FAM149B1: variants seen among roughly 807,000 people sequenced by gnomAD.
The protein encoded by FAM149B1 is family with sequence similarity 149 member B1.
In FAM149B1, 56 loss-of-function variants were observed where a neutral mutation model predicts 75.3. The observed-to-expected ratio is 0.74, with a 90% CI of 0.60 to 0.93. The LOEUF (loss-of-function observed/expected upper bound fraction) is 0.93, where lower values mean the gene tolerates loss of function less well. Ranked by LOEUF, FAM149B1 falls within the 40% of genes least tolerant of loss-of-function variation. The pLI is 0.00. For synonymous variants in FAM149B1, 259 were observed against 256.1 expected (o/e 1.01, Z -0.11); for missense variants, 639 against 708.4 (o/e 0.90, Z 1.11).
chr10:73,177,022 T>C (rs1361181093), intron 2 of FAM149B1, among the ~76,000 whole-genome samples: 1 of 150,548 alleles, frequency 6.6e-6, no homozygotes, highest in East Asian at 2.0e-4. Context: ...CGAGACTCCA[T>C]CTCAAAAAAA....
At chr10:73,203,444 A>G (rs76523970) in intron 5 of FAM149B1, among the ~76,000 whole-genome samples, 3,064 of 152,298 alleles carry the variant, frequency 0.02, 41 homozygotes, top group Non-Finnish European at 0.033. Context: ...TATGGTTTTT[A>G]TGAAATTATA....
rs2043596164 is a variant in FAM149B1 at position 73,228,046 on chromosome 10, G to A, written c.899-14G>A. The stretch of plus-strand genomic sequence containing the variant: ...AGATTATCCATGGATAATATATCCT[G>A]TTCCTTTGCCCAGATGATGAGAGTA... On this transcript the variant is annotated splice_polypyrimidine_tract_variant and intron_variant, in intron 7 of 13. Coordinates refer to ENST00000242505, the MANE Select transcript of FAM149B1 (RefSeq NM_173348.2). 6.4e-7 allele frequency: 1 copy of A among 1,551,144 alleles called. No individual in the cohort carries two copies. The highest frequency in any genetic ancestry group is 1.2e-5 in the South Asian group (1 of 84,048).
In FAM149B1 at chr10:73,243,239, C is replaced by G. The variant is rs555896356; in HGVS notation, c.*2220C>G. The G allele has an allele frequency of 5.9e-5, 42 of 707,504 alleles. 1 individual carries two copies. Among genetic ancestry groups the G allele is most frequent in the South Asian group, 5.6e-4 (31 of 55,044 alleles). 43.8% of individuals were successfully genotyped at this position (707,504 alleles called of 1,614,324 possible). ...AGTGCTTTCTAGGAAATACTAAGATCAGGTTGAGAGATTCTGCTTGGTCTA... is the reference window on the plus strand; with the variant it reads ...AGTGCTTTCTAGGAAATACTAAGATGAGGTTGAGAGATTCTGCTTGGTCTA... On this transcript the variant is annotated 3_prime_UTR_variant, in exon 14 of 14. Coordinates refer to ENST00000242505, the MANE Select transcript of FAM149B1 (RefSeq NM_173348.2).
Position 73,243,590 on chromosome 10 carries a change from G to T in FAM149B1, c.*2571G>T. 1 of 1,586,420 alleles carries T rather than the reference G, an allele frequency of 6.3e-7. No homozygotes were observed. Among genetic ancestry groups the T allele is most frequent in the Non-Finnish European group, 8.6e-7 (1 of 1,166,334 alleles). On this transcript the variant is annotated 3_prime_UTR_variant, in exon 14 of 14. Transcript: ENST00000242505. Reference sequence around the variant, plus strand: ...ACAGAAAGTACCTAGTGGTTGCCAGGGGCTGGAAAAGTGGAATAACTACTA... The same window carrying T: ...ACAGAAAGTACCTAGTGGTTGCCAGTGGCTGGAAAAGTGGAATAACTACTA...
At chr10:73,239,276 T>C (rs772436910) in intron 12 of FAM149B1, 36 bp from the exon 13 acceptor site, 2 of 1,495,126 alleles carry the variant, frequency 1.3e-6, no homozygotes, top group Non-Finnish European at 1.8e-6. Context: ...TGTGAGAAGA[T>C]GCATCATAAG....
At chr10:73,232,677 G>A (rs1698763453) in intron 9 of FAM149B1, among the ~76,000 whole-genome samples, 1 of 152,352 alleles carries the variant, frequency 6.6e-6, no homozygotes, top group Admixed American at 6.5e-5. Flanking sequence ...GTGATGGCAG[G>A]TGGATAATGG....
chr10:73,226,148 A>G (rs2043540586), intron 7 of FAM149B1, among the ~76,000 whole-genome samples: 1 of 148,998 alleles, frequency 6.7e-6, no homozygotes, highest in Non-Finnish European at 1.5e-5. Context: ...CCCATGGGCT[A>G]TAGTTTGCCA....
At chr10:73,239,668 A>C (rs1300435840) in intron 13 of FAM149B1, among the ~76,000 whole-genome samples, 3 of 150,818 alleles carry the variant, frequency 2.0e-5, no homozygotes, top group Admixed American at 1.3e-4. Context: ...TTTTTTTTTA[A>C]ATCTAAAAAG....
Position 73,171,311 on chromosome 10 carries a change from G to A in FAM149B1, c.47+2925G>A, listed in dbSNP as rs79834660. Among the ~76,000 whole-genome samples, 76 of 152,252 alleles carry A rather than the reference G, an allele frequency of 5.0e-4. 1 individual carries two copies. In the East Asian group the frequency reaches 0.014, roughly 28 times the overall value. ...ATGATTCTGTAGCTGGAGTCAGGAT[G>A]AAGTGAATAATGAAGATAATGAAGA... is the stretch of plus-strand genomic sequence containing the variant. On this transcript the variant is annotated intron_variant, in intron 1 of 13. Coordinates refer to ENST00000242505, the MANE Select transcript of FAM149B1 (RefSeq NM_173348.2).
At chr10:73,210,854 G>C (rs1241892754) in intron 7 of FAM149B1, among the ~76,000 whole-genome samples, 1 of 152,000 alleles carries the variant, frequency 6.6e-6, no homozygotes, top group Non-Finnish European at 1.5e-5. Flanking sequence ...GTGGGTATGA[G>C]AGAGAGGAAA....
chr10:73,174,197 G>A (rs957650579), intron 1 of FAM149B1, among the ~76,000 whole-genome samples: 10 of 152,076 alleles, frequency 6.6e-5, no homozygotes, highest in Non-Finnish European at 1.5e-4. Context: ...CAACTGCTAG[G>A]GCTCTGGGTA....
At chr10:73,203,899 C>T (rs1301118570) in intron 5 of FAM149B1, among the ~76,000 whole-genome samples, 2 of 152,038 alleles carry the variant, frequency 1.3e-5, no homozygotes, top group Non-Finnish European at 2.9e-5. Flanking sequence ...CCTCAGCCTC[C>T]CAAAGTGCAG....
At chr10:73,178,384 C>T (rs1445080810) in intron 3 of FAM149B1, among the ~76,000 whole-genome samples, 4 of 151,776 alleles carry the variant, frequency 2.6e-5, no homozygotes, top group African/African-American at 9.7e-5. Context: ...CCAGCTACTC[C>T]AGAGGCTGAG....
intron 3 of FAM149B1, among the ~76,000 whole-genome samples, chr10:73,180,465 G>A (rs1266631680): frequency 6.6e-6 from 1 of 152,182 alleles, no homozygotes; most frequent in Non-Finnish European, 1.5e-5. Context: ...GCCTCATCAG[G>A]AAGATTTAGT....
At chr10:73,222,778 A>G (rs2043447259) in intron 7 of FAM149B1, among the ~76,000 whole-genome samples, 1 of 152,216 alleles carries the variant, frequency 6.6e-6, no homozygotes, top group Non-Finnish European at 1.5e-5. Context: ...GAGTAAACCC[A>G]GTTCATGTTA....
intron 3 of FAM149B1, among the ~76,000 whole-genome samples, chr10:73,182,926 T>C (rs575960183): frequency 6.6e-6 from 1 of 152,232 alleles, no homozygotes; most frequent in Admixed American, 6.5e-5. Context: ...TCTTGCTGCT[T>C]AAGGTCATAA....
chr10:73,222,424 CT>C (rs767599550), intron 7 of FAM149B1, among the ~76,000 whole-genome samples: 2 of 150,288 alleles, frequency 1.3e-5, no homozygotes, highest in African/African-American at 4.9e-5. Context: ...CCTTCTTTCA[CT>C]TTTTTTTTTC....
chr10:73,243,645 A>G lies in FAM149B1; in HGVS notation c.*2626A>G. 1 of 1,305,446 alleles carries G rather than the reference A, an allele frequency of 7.7e-7. No individual in the cohort carries two copies. Among genetic ancestry groups the G allele is most frequent in the Non-Finnish European group, 1.1e-6 (1 of 940,372 alleles). 80.9% of individuals were successfully genotyped at this position (1,305,446 alleles called of 1,614,324 possible). A position where few individuals can be genotyped will look rare whatever the true frequency, so the allele number is the denominator to read the frequency against. On this transcript the variant is annotated 3_prime_UTR_variant, in exon 14 of 14. Coordinates refer to ENST00000242505, the MANE Select transcript of FAM149B1 (RefSeq NM_173348.2). ...GTATGGAGTTTTTTTGGAATGGTGAAAATGTCCTACAATTGGTGTTAATAA... is the reference window on the plus strand; with the variant it reads ...GTATGGAGTTTTTTTGGAATGGTGAGAATGTCCTACAATTGGTGTTAATAA...
At chr10:73,230,730 A>G in intron 9 of FAM149B1, 4 of 481,986 alleles carry the variant, frequency 8.3e-6, no homozygotes, top group Non-Finnish European at 1.5e-5. Flanking sequence ...GTAAAAAAAG[A>G]CCTAACCATA....
Sources: allele counts gnomAD v4.1 joint callset (sites outside exome capture counted in the v4.1 genomes callset), GRCh38; gene constraint gnomAD v4.1.1; transcripts MANE v1.5; gene names NCBI Gene and HGNC (gene_info 2026-07-23, HGNC 2026-07-21).